The following GALNT13 variants were observed in gnomAD, a reference collection of about 807,000 sequenced individuals.
The protein encoded by GALNT13 is polypeptide N-acetylgalactosaminyltransferase 13.
A neutral mutation model predicts 64.2 loss-of-function variants in GALNT13; 28 were observed. The ratio of observed to expected loss-of-function variants is 0.44; its 90% confidence interval spans 0.32 to 0.60. The LOEUF (loss-of-function observed/expected upper bound fraction) is 0.60. Ranked by LOEUF, GALNT13 falls within the 20% of genes least tolerant of loss-of-function variation. GALNT13 has a pLI of 0.05. For synonymous variants in GALNT13, 214 were observed against 224.6 expected, an observed-to-expected ratio of 0.95 and a Z score of 0.42; for missense variants, 577 against 669.8, an observed-to-expected ratio of 0.86 and a Z score of 1.53.
intron 2 of GALNT13, among the ~76,000 whole-genome samples, chr2:153,925,048 CTTTAA>C (rs1258373126): frequency 3.3e-5 from 5 of 152,114 alleles, no homozygotes; most frequent in Non-Finnish European, 7.4e-5. Flanking sequence ...TGCAGAAGCT[CTTTAA>C]TTTAATTAGA....
chr2:153,751,473 A>C, the GALNT13 span, among the ~76,000 whole-genome samples: 1 of 151,064 alleles, frequency 6.6e-6, no homozygotes, highest in East Asian at 1.9e-4. Flanking sequence ...CTCTCTCTTT[A>C]GTTCTAGTAA....
the GALNT13 span, among the ~76,000 whole-genome samples, chr2:153,365,522 A>G: frequency 6.6e-6 from 1 of 152,218 alleles, no homozygotes; most frequent in African/African-American, 2.4e-5. Context: ...TCCAGAGTCT[A>G]CAAGGGACTT....
At chr2:154,273,256 G>A (rs1691452213) in intron 8 of GALNT13, among the ~76,000 whole-genome samples, 1 of 152,032 alleles carries the variant, frequency 6.6e-6, no homozygotes, top group African/African-American at 2.4e-5. Flanking sequence ...CCCTCCCAGG[G>A]GACATTTGGG....
chr2:153,735,348 G>A, the GALNT13 span, among the ~76,000 whole-genome samples: 1 of 151,872 alleles, frequency 6.6e-6, no homozygotes, highest in South Asian at 2.1e-4. Flanking sequence ...AAGGCATTAA[G>A]TTGTCACTAC....
intron 9 of GALNT13, among the ~76,000 whole-genome samples, chr2:154,303,053 T>G (rs757080994): frequency 3.5e-4 from 53 of 152,138 alleles, no homozygotes; most frequent in Non-Finnish European, 6.6e-4. Flanking sequence ...TATGCCAGAA[T>G]GAGATTGGCA....
chr2:153,546,088 C>T, the GALNT13 span, among the ~76,000 whole-genome samples: 1 of 152,170 alleles, frequency 6.6e-6, no homozygotes, highest in Non-Finnish European at 1.5e-5. Context: ...TGGCCAGCTC[C>T]TTGCACCCTC....
intron 3 of GALNT13, among the ~76,000 whole-genome samples, chr2:154,117,511 C>T (rs369507672): frequency 6.6e-6 from 1 of 152,072 alleles, no homozygotes; most frequent in African/African-American, 2.4e-5. Context: ...TGAGTGAGAA[C>T]ATATGATATT....
the GALNT13 span, among the ~76,000 whole-genome samples, chr2:153,251,904 T>C: frequency 6.6e-6 from 1 of 151,970 alleles, no homozygotes; most frequent in African/African-American, 2.4e-5. Context: ...AAGTCTTTGC[T>C]ATTGTGAATA....
At chr2:153,626,368 C>T in the GALNT13 span, among the ~76,000 whole-genome samples, 1 of 152,036 alleles carries the variant, frequency 6.6e-6, no homozygotes, top group Non-Finnish European at 1.5e-5. Flanking sequence ...GAGATGAATA[C>T]AAATTGTATT....
At chr2:153,985,526 A>T (rs893372933) in intron 3 of GALNT13, among the ~76,000 whole-genome samples, 1 of 151,898 alleles carries the variant, frequency 6.6e-6, no homozygotes, top group East Asian at 1.9e-4. Context: ...TTTTCATATC[A>T]TTTGTTCTAT....
rs150375048 is a variant in GALNT13, at chr2:154,207,649, G to T, written c.312-34381G>T. ...CAGTAATGTGTATATAGTAAATAAA[G>T]ATCAGGTGATTAATTATATTTAGGA... On this transcript the variant is annotated intron_variant, in intron 4 of 12. Coordinates refer to ENST00000392825, the MANE Select transcript of GALNT13 (RefSeq NM_052917.4). 2.7e-3 allele frequency among the ~76,000 whole-genome samples: 408 copies of T among 152,206 alleles called. 3 individuals are homozygous for T. Among genetic ancestry groups the T allele is most frequent in the African/African-American group, 9.7e-3 (404 of 41,522 alleles).
At chr2:154,171,288 C>T (rs182571215) in intron 4 of GALNT13, among the ~76,000 whole-genome samples, 2 of 152,188 alleles carry the variant, frequency 1.3e-5, no homozygotes, top group Admixed American at 1.3e-4. Context: ...GGAATTAATA[C>T]CACCTACTAC....
At chr2:153,163,116 G>C in the GALNT13 span, among the ~76,000 whole-genome samples, 6 of 152,176 alleles carry the variant, frequency 3.9e-5, no homozygotes, top group Non-Finnish European at 8.8e-5. Context: ...TGCCATGCTA[G>C]ATATTTTTTC....
chr2:153,952,786 A>C (rs1278363923), intron 3 of GALNT13, among the ~76,000 whole-genome samples: 1 of 152,200 alleles, frequency 6.6e-6, no homozygotes, highest in Non-Finnish European at 1.5e-5. Flanking sequence ...TCAAAAGGAA[A>C]GCTGACAGTG....
the GALNT13 span, among the ~76,000 whole-genome samples, chr2:153,179,282 T>C: frequency 6.6e-6 from 1 of 152,208 alleles, no homozygotes; most frequent in Admixed American, 6.5e-5. Context: ...ACACTATTTA[T>C]TTAAGGGACT....
the GALNT13 span, among the ~76,000 whole-genome samples, chr2:153,271,008 G>GA: frequency 1.3e-5 from 2 of 152,064 alleles, no homozygotes; most frequent in East Asian, 3.9e-4. Context: ...CAGAACCAAT[G>GA]AAAAAAACCA....
the GALNT13 span, among the ~76,000 whole-genome samples, chr2:153,209,228 C>T: frequency 6.6e-6 from 1 of 152,058 alleles, no homozygotes; most frequent in South Asian, 2.1e-4. Context: ...GATCCACCCG[C>T]CTCGGCCTCC....
intron 12 of GALNT13, chr2:154,441,958 C>T (rs1671787051): frequency 6.6e-6 from 1 of 152,120 alleles, no homozygotes; most frequent in Non-Finnish European, 1.5e-5. Context: ...TTTAAGTTTG[C>T]ACAGCCAGAT....
At position 154,424,694 on chromosome 2, in the gene GALNT13, C is replaced by T. The variant is rs546184991; in HGVS notation, c.1396-13898C>T. Among the ~76,000 whole-genome samples, 8 of 152,296 alleles carry T rather than the reference C, an allele frequency of 5.3e-5. No homozygotes were observed. The East Asian group carries it at 1.5e-3, about 29-fold the overall frequency. ...GACGTGCTTATTCTACACTGGTTGC[C>T]AGGGATCCCCAACAGAATTAAGCTC... On this transcript the variant is annotated intron_variant, in intron 11 of 12. Coordinates refer to ENST00000392825, the MANE Select transcript of GALNT13 (RefSeq NM_052917.4).
Sources: allele counts gnomAD v4.1 joint callset (sites outside exome capture counted in the v4.1 genomes callset), GRCh38; gene constraint gnomAD v4.1.1; transcripts MANE v1.5; gene names NCBI Gene and HGNC (gene_info 2026-07-23, HGNC 2026-07-21).